TAX1BP1: variants seen among roughly 807,000 people sequenced by gnomAD.
TAX1BP1 encodes the protein tax1-binding protein 1.
Under a neutral mutation model 97.7 loss-of-function variants are expected in TAX1BP1, and 62 were observed. That is an observed-to-expected ratio of 0.63 (90% CI 0.52 to 0.78). TAX1BP1 has a LOEUF of 0.78. TAX1BP1 is among the 30% of genes least tolerant of loss of function. The pLI, the probability that TAX1BP1 is intolerant of heterozygous loss-of-function variation, is 0.00. For missense variants in TAX1BP1, 867 were observed against 916.1 expected, an observed-to-expected ratio of 0.95 and a Z score of 0.69; for synonymous variants, 340 against 304.2, an observed-to-expected ratio of 1.12 and a Z score of -1.23.
chr7:27,751,149 A>T (rs1788004548), intron 2 of TAX1BP1, among the ~76,000 whole-genome samples: 1 of 152,028 alleles, frequency 6.6e-6, no homozygotes, highest in African/African-American at 2.4e-5. Flanking sequence ...TACTTCTTTC[A>T]TTGTGCACTT....
chr7:27,787,160 A>G (rs1429925992), intron 7 of TAX1BP1, among the ~76,000 whole-genome samples: 1 of 152,216 alleles, frequency 6.6e-6, no homozygotes, highest in Non-Finnish European at 1.5e-5. Context: ...AAATCAAAGG[A>G]AAAGACTTTA....
chr7:27,804,203 A>G (rs1056168099), intron 13 of TAX1BP1, among the ~76,000 whole-genome samples: 34 of 152,222 alleles, frequency 2.2e-4, no homozygotes, highest in Non-Finnish European at 3.5e-4. Flanking sequence ...CACATAACTC[A>G]GTGAACCAGT....
chr7:27,825,374 G>C (rs1791139207), intron 15 of TAX1BP1, among the ~76,000 whole-genome samples: 1 of 151,956 alleles, frequency 6.6e-6, no homozygotes, highest in South Asian at 2.1e-4. Context: ...CTCGAGTGAA[G>C]ATTTCACTCA....
At chr7:27,767,845 A>G (rs1384946135) in intron 4 of TAX1BP1, among the ~76,000 whole-genome samples, 1 of 152,110 alleles carries the variant, frequency 6.6e-6, no homozygotes, top group Non-Finnish European at 1.5e-5. Flanking sequence ...TTTCTTAAGT[A>G]AATATTTCTG....
chr7:27,761,406 T>G (rs533699625), intron 3 of TAX1BP1, among the ~76,000 whole-genome samples: 2 of 152,312 alleles, frequency 1.3e-5, no homozygotes, highest in African/African-American at 4.8e-5. Context: ...GATGAATGTA[T>G]GAAGACATAT....
Position 27,748,663 on chromosome 7 carries a change from A to C in TAX1BP1, c.139A>C (p.Lys47Gln). 1 of 1,558,052 alleles carries C rather than the reference A, an allele frequency of 6.4e-7. No homozygotes were observed. Among genetic ancestry groups the C allele is most frequent in the Non-Finnish European group, 8.7e-7 (1 of 1,147,700 alleles). The change falls in exon 2 of 17, where the codon AAA (lysine) becomes CAA (glutamine). Residue 47 changes from lysine (K) to glutamine (Q), a missense_variant. Coordinates refer to ENST00000396319, the MANE Select transcript of TAX1BP1 (RefSeq NM_006024.7). ...TLTPYIHPHP[K>Q]DWVGIFKVGW... Reference sequence around the variant, plus strand: ...AACTCCATATATTCATCCACATCCAAAAGATTGGGTTGGTATATTCAAGGT... The same window carrying C: ...AACTCCATATATTCATCCACATCCACAAGATTGGGTTGGTATATTCAAGGT...
chr7:27,792,301 G>A (rs1439973956), intron 9 of TAX1BP1, 71 bp downstream of exon 9: 6 of 1,360,876 alleles, frequency 4.4e-6, no homozygotes, highest in Non-Finnish European at 5.1e-6. Context: ...GTAGTAAATT[G>A]TGTTAAGATA....
chr7:27,755,951 T>C (rs1343970120), intron 2 of TAX1BP1, among the ~76,000 whole-genome samples: 2 of 152,208 alleles, frequency 1.3e-5, no homozygotes, highest in African/African-American at 4.8e-5. Flanking sequence ...TAACTTTAAG[T>C]GTAATAATTT....
At chr7:27,784,835 T>G (rs775826209) in intron 5 of TAX1BP1, among the ~76,000 whole-genome samples, 3 of 151,280 alleles carry the variant, frequency 2.0e-5, no homozygotes, top group Non-Finnish European at 4.4e-5. Flanking sequence ...AAAAAAAAAT[T>G]AGCCAGGCGT....
intron 15 of TAX1BP1, among the ~76,000 whole-genome samples, chr7:27,819,738 G>T (rs530701019): frequency 2.0e-5 from 3 of 152,130 alleles, no homozygotes; most frequent in Non-Finnish European, 4.4e-5. Context: ...AATGTGTATT[G>T]CTTTTGTACC....
At chr7:27,804,631 T>C (rs912990153) in intron 13 of TAX1BP1, among the ~76,000 whole-genome samples, 2 of 152,212 alleles carry the variant, frequency 1.3e-5, no homozygotes, top group African/African-American at 4.8e-5. Flanking sequence ...AATTCACACA[T>C]AAGTACTTAA....
At chr7:27,772,178 C>A (rs1026839241) in intron 5 of TAX1BP1, 1 of 147,916 alleles carries the variant, frequency 6.8e-6, no homozygotes, top group Non-Finnish European at 1.5e-5. Flanking sequence ...GAATTTGCTT[C>A]ATATTCCAAA....
intron 5 of TAX1BP1, among the ~76,000 whole-genome samples, chr7:27,776,285 A>C (rs535409061): frequency 6.6e-6 from 1 of 152,190 alleles, no homozygotes; most frequent in African/African-American, 2.4e-5. Context: ...GTCTGGTATA[A>C]TTTTCCTTCT....
In TAX1BP1 at chr7:27,757,929, G is replaced by A. The variant is rs1788284964; in HGVS notation, c.163-102G>A. Reference sequence around the variant, plus strand: ...CTCATGATTTGTAAACATATTAAATGTATATTTTAACTGTAAAATACAATA... The same window carrying A: ...CTCATGATTTGTAAACATATTAAATATATATTTTAACTGTAAAATACAATA... On this transcript the variant is annotated intron_variant, in intron 2 of 16. Coordinates refer to ENST00000396319, the MANE Select transcript of TAX1BP1 (RefSeq NM_006024.7). 10 of 594,376 alleles carry A rather than the reference G, an allele frequency of 1.7e-5. No homozygotes were observed. The South Asian group carries it at 1.9e-4, about 11-fold the overall frequency. 36.8% of individuals were successfully genotyped at this position (594,376 alleles called of 1,614,324 possible). A position where few individuals can be genotyped will look rare whatever the true frequency, so the allele number is the denominator to read the frequency against.
At chr7:27,749,804 A>G (rs1260581183) in intron 2 of TAX1BP1, among the ~76,000 whole-genome samples, 2 of 152,038 alleles carry the variant, frequency 1.3e-5, no homozygotes, top group Admixed American at 6.6e-5. Flanking sequence ...TTTATTTCTT[A>G]TTTTTTGAGA....
At chr7:27,800,176 T>G in intron 13 of TAX1BP1, 86 bp downstream of exon 13, 1 of 1,212,928 alleles carries the variant, frequency 8.2e-7, no homozygotes, top group Non-Finnish European at 1.1e-6. Flanking sequence ...CTAATGTACA[T>G]TTTAAATATG....
chr7:27,797,051 G>A (rs1279632263), intron 12 of TAX1BP1, among the ~76,000 whole-genome samples: 2 of 149,556 alleles, frequency 1.3e-5, no homozygotes, highest in Non-Finnish European at 3.0e-5. Context: ...AGGCTGGATT[G>A]CAGTGGCGTG....
At chr7:27,781,826 C>G (rs542140777) in intron 5 of TAX1BP1, among the ~76,000 whole-genome samples, 1 of 151,796 alleles carries the variant, frequency 6.6e-6, no homozygotes. Flanking sequence ...TCAGGTGATT[C>G]TTGTGCCTCA....
chr7:27,813,926 A>T (rs1186722471), intron 13 of TAX1BP1, among the ~76,000 whole-genome samples: 3 of 152,134 alleles, frequency 2.0e-5, no homozygotes, highest in Admixed American at 2.0e-4. Context: ...GTTAGAAGAC[A>T]AATACTTAAT....
Sources: allele counts gnomAD v4.1 joint callset (sites outside exome capture counted in the v4.1 genomes callset), GRCh38; gene constraint gnomAD v4.1.1; transcripts MANE v1.5; gene names NCBI Gene and HGNC (gene_info 2026-07-23, HGNC 2026-07-21).